ZBTB7C: variants seen among roughly 807,000 people sequenced by gnomAD.
ZBTB7C encodes zinc finger and BTB domain containing 7C, also known as zinc finger and BTB domain-containing protein 7C.
A neutral mutation model predicts 25.7 loss-of-function variants in ZBTB7C; 8 were observed. The observed-to-expected ratio is 0.31, with a 90% confidence interval of 0.18 to 0.56. The LOEUF is 0.56. Among genes scored for constraint, ZBTB7C ranks in the 20% least tolerant of loss-of-function variants. The pLI, the probability that ZBTB7C is intolerant of heterozygous loss-of-function variation, is 0.91. For synonymous variants in ZBTB7C, 394 were observed against 369.0 expected, an observed-to-expected ratio of 1.07 and a Z score of -0.78; for missense variants, 824 against 855.2, an observed-to-expected ratio of 0.96 and a Z score of 0.46.
chr18:48,101,371 A>G (rs1372329848), intron 3 of ZBTB7C, among the ~76,000 whole-genome samples: 3 of 152,254 alleles, frequency 2.0e-5, no homozygotes, highest in Non-Finnish European at 4.4e-5. Flanking sequence ...GTCAAAGTAA[A>G]CAGGTGGATT....
At chr18:48,129,919 C>T (rs2039936637) in intron 3 of ZBTB7C, among the ~76,000 whole-genome samples, 1 of 152,214 alleles carries the variant, frequency 6.6e-6, no homozygotes, top group Non-Finnish European at 1.5e-5. Flanking sequence ...CCGGCCCTCC[C>T]TTTCCCTCCT....
intron 3 of ZBTB7C, chr18:48,148,520 A>G (rs1460047324): frequency 1.3e-5 from 2 of 152,156 alleles, no homozygotes; most frequent in South Asian, 2.1e-4. Context: ...AGTCTACAAT[A>G]TCTTCTAGGG....
At chr18:48,091,712 G>A (rs1448677028) in intron 3 of ZBTB7C, among the ~76,000 whole-genome samples, 1 of 152,172 alleles carries the variant, frequency 6.6e-6, no homozygotes, top group Non-Finnish European at 1.5e-5. Flanking sequence ...TAGCAGGCCA[G>A]AGCTCTAATC....
chr18:48,132,411 C>T (rs532181013), intron 3 of ZBTB7C, among the ~76,000 whole-genome samples: 4 of 152,244 alleles, frequency 2.6e-5, no homozygotes, highest in Admixed American at 6.5e-5. Flanking sequence ...TAACCTAGGA[C>T]GGCTTGGGGT....
chr18:48,322,293 G>A (rs1326205348), intron 2 of ZBTB7C, among the ~76,000 whole-genome samples: 1 of 152,140 alleles, frequency 6.6e-6, no homozygotes, highest in East Asian at 1.9e-4. Flanking sequence ...GGCATTGCAG[G>A]ATGTCTAGCA....
At chr18:48,041,195 C>G in intron 3 of ZBTB7C, 72 bp from the exon 4 acceptor site, 1 of 1,489,154 alleles carries the variant, frequency 6.7e-7, no homozygotes, top group Non-Finnish European at 8.9e-7. Flanking sequence ...CTCTAGGACT[C>G]TGAGCCACCT....
At chr18:48,227,167 C>T (rs2043124604) in intron 2 of ZBTB7C, among the ~76,000 whole-genome samples, 1 of 152,214 alleles carries the variant, frequency 6.6e-6, no homozygotes. Context: ...AAAAGGCTGT[C>T]TGGGCCAGGA....
At chr18:48,328,044 T>C (rs2046262823) in intron 2 of ZBTB7C, among the ~76,000 whole-genome samples, 1 of 151,408 alleles carries the variant, frequency 6.6e-6, no homozygotes, top group Non-Finnish European at 1.5e-5. Context: ...TAGCCGGGCG[T>C]GGTGGCGGGT....
rs757777255 is a variant in ZBTB7C at position 48,165,160 on chromosome 18, T to C, written c.-17+20774A>G. ...CCTTCATTTTACAGAGGAGGAAATT[T>C]GCAGTCCAGGAAGGGGAGGGTTCTT... On this transcript the variant is annotated intron_variant, in intron 3 of 4. Coordinates refer to ENST00000590800, the MANE Select transcript of ZBTB7C (RefSeq NM_001318841.2). The C allele has an allele frequency of 1.7e-5, 22 of 1,287,292 alleles. 2 individuals carry two copies. In the South Asian group the frequency reaches 2.7e-4, roughly 16 times the overall value. The allele number at this position is 1,287,292 out of a possible 1,614,324, so 79.7% of individuals were successfully genotyped here. A position where few individuals can be genotyped will look rare whatever the true frequency, so the allele number is the denominator to read the frequency against.
At chr18:48,035,680 G>T (rs2144107918) in intron 4 of ZBTB7C, among the ~76,000 whole-genome samples, 1 of 152,312 alleles carries the variant, frequency 6.6e-6, no homozygotes, top group South Asian at 2.1e-4. Flanking sequence ...AAGCATAGCA[G>T]TGTCCCTGTG....
At position 48,403,887 on chromosome 18, in the gene ZBTB7C, A is replaced by G. The variant is rs1359495074; in HGVS notation, c.-304+5339T>C. Among the ~76,000 whole-genome samples, 3 of 152,158 alleles carry G rather than the reference A, an allele frequency of 2.0e-5. No individual in the cohort carries two copies. In the East Asian group the frequency reaches 5.8e-4, roughly 29 times the overall value. On this transcript the variant is annotated intron_variant, in intron 1 of 4. Coordinates refer to ENST00000590800, the MANE Select transcript of ZBTB7C (RefSeq NM_001318841.2). ...CAAAAGAGAGATAATAAACAGGCCT[A>G]TTTGGTATGTTAAATTATACGGGAA... is the stretch of plus-strand genomic sequence containing the variant.
intron 3 of ZBTB7C, among the ~76,000 whole-genome samples, chr18:48,054,662 A>C (rs1163900208): frequency 9.9e-5 from 15 of 152,140 alleles, no homozygotes; most frequent in Admixed American, 7.2e-4. Flanking sequence ...GCCGTCCACC[A>C]CGAGAACCGC....
intron 2 of ZBTB7C, among the ~76,000 whole-genome samples, chr18:48,259,092 A>G (rs1256239550): frequency 6.6e-6 from 1 of 152,058 alleles, no homozygotes; most frequent in Non-Finnish European, 1.5e-5. Flanking sequence ...TGGGACTACA[A>G]GCTCATGCCA....
At chr18:48,075,179 C>A (rs141676458) in intron 3 of ZBTB7C, among the ~76,000 whole-genome samples, 1 of 152,284 alleles carries the variant, frequency 6.6e-6, no homozygotes, top group Non-Finnish European at 1.5e-5. Context: ...ATGAAGAGGA[C>A]GCATTTGAGC....
At chr18:48,317,139 G>T (rs924463246) in intron 2 of ZBTB7C, among the ~76,000 whole-genome samples, 1 of 152,010 alleles carries the variant, frequency 6.6e-6, no homozygotes, top group Non-Finnish European at 1.5e-5. Flanking sequence ...CAGGTGTGAT[G>T]GTGGGCGCCT....
chr18:48,201,660 G>C (rs1042303041), intron 2 of ZBTB7C, among the ~76,000 whole-genome samples: 26 of 151,916 alleles, frequency 1.7e-4, no homozygotes, highest in Non-Finnish European at 3.2e-4. Flanking sequence ...TCCACCCCAG[G>C]TGCCTCTTGC....
chr18:48,103,105 T>C (rs2038898133), intron 3 of ZBTB7C, among the ~76,000 whole-genome samples: 1 of 116,694 alleles, frequency 8.6e-6, no homozygotes. Flanking sequence ...ATATTATATA[T>C]TTTATATTAT....
At chr18:48,161,785 C>T (rs1437500970) in intron 3 of ZBTB7C, among the ~76,000 whole-genome samples, 1 of 150,886 alleles carries the variant, frequency 6.6e-6, no homozygotes, top group South Asian at 2.1e-4. Context: ...GCCCCGCCCT[C>T]TCCCTCCACT....
chr18:48,411,550 G>T (rs1015975049), upstream of ZBTB7C, among the ~76,000 whole-genome samples: 1 of 152,186 alleles, frequency 6.6e-6, no homozygotes, highest in Non-Finnish European at 1.5e-5. Context: ...AGCTGATATG[G>T]CCCCGCTTCT....
Sources: gnomAD v4.1 joint callset for allele counts (sites outside exome capture counted in the v4.1 genomes callset) on GRCh38, gnomAD v4.1.1 for gene constraint, MANE v1.5 for transcripts, NCBI Gene and HGNC (gene_info 2026-07-23, HGNC 2026-07-21) for gene names.